ADARB2: variants seen among roughly 807,000 people sequenced by gnomAD.
ADARB2 encodes the protein inactive double-stranded RNA-specific editase B2.
ADARB2 carries 25 observed loss-of-function variants against 62.2 expected under a neutral mutation model. The ratio of observed to expected loss-of-function variants is 0.40; its 90% CI spans 0.29 to 0.56. The LOEUF is 0.56. ADARB2 is among the 20% of genes least tolerant of loss of function. The probability of loss-of-function intolerance (pLI) is 0.43; values close to 1 mark genes in which losing one functional copy is unlikely to be tolerated. For missense variants in ADARB2, 1,071 were observed against 1,077.4 expected, an observed-to-expected ratio of 0.99 and a Z score of 0.08; for synonymous variants, 572 against 500.8, an observed-to-expected ratio of 1.14 and a Z score of -1.90.
At chr10:1,220,415 G>GTGA (rs1441028398) in intron 6 of ADARB2, among the ~76,000 whole-genome samples, 2 of 149,248 alleles carry the variant, frequency 1.3e-5, no homozygotes, top group East Asian at 4.1e-4. Flanking sequence ...GGTGATGATG[G>GTGA]TCGTGATGGT....
intron 6 of ADARB2, among the ~76,000 whole-genome samples, chr10:1,221,552 T>C (rs1019665606): frequency 6.6e-6 from 1 of 152,046 alleles, no homozygotes; most frequent in African/African-American, 2.4e-5. Context: ...TATCTCCTAA[T>C]GCTATCCCTC....
At chr10:1,532,582 G>C (rs1323492975) in intron 1 of ADARB2, among the ~76,000 whole-genome samples, 1 of 152,170 alleles carries the variant, frequency 6.6e-6, no homozygotes, top group Non-Finnish European at 1.5e-5. Context: ...TCAGGGGTCA[G>C]GCATTGGGTG....
At chr10:1,224,792 A>G (rs1830729760) in intron 6 of ADARB2, among the ~76,000 whole-genome samples, 1 of 152,084 alleles carries the variant, frequency 6.6e-6, no homozygotes, top group African/African-American at 2.4e-5. Context: ...AGTTTGTTAT[A>G]ATTTCGGTTC....
intron 3 of ADARB2, among the ~76,000 whole-genome samples, chr10:1,359,776 G>A (rs184646823): frequency 6.6e-6 from 1 of 152,340 alleles, no homozygotes; most frequent in East Asian, 1.9e-4. Flanking sequence ...AGCTCCAGCC[G>A]CAGTGGCTCT....
At chr10:1,457,570 G>T (rs950789242) in intron 1 of ADARB2, among the ~76,000 whole-genome samples, 13 of 152,172 alleles carry the variant, frequency 8.5e-5, no homozygotes, top group Non-Finnish European at 4.4e-5. Context: ...AGAAAGTTAC[G>T]CTTCAGAGCT....
In ADARB2 at chr10:1,351,906, C is replaced by G. The variant is rs1298814457; in HGVS notation, c.1077+11122G>C. Among the ~76,000 whole-genome samples, 3 of 148,464 alleles carry G rather than the reference C, an allele frequency of 2.0e-5. 1 individual carries two copies. The highest frequency in any genetic ancestry group is 7.8e-5 in the African/African-American group (3 of 38,370). On this transcript the variant is annotated intron_variant, in intron 3 of 9. Transcript: ENST00000381312. The stretch of plus-strand genomic sequence containing the variant: ...CAACCAAATTGTTTTGCCTATCCAC[C>G]CCTTGGTGCCAAACCCATATACTCT...
At chr10:1,195,684 T>C (rs1589148239) in intron 8 of ADARB2, among the ~76,000 whole-genome samples, 2 of 152,074 alleles carry the variant, frequency 1.3e-5, no homozygotes, top group African/African-American at 4.8e-5. Flanking sequence ...AGGCTGATCC[T>C]GGTTCAGAAG....
intron 1 of ADARB2, among the ~76,000 whole-genome samples, chr10:1,508,890 C>T (rs1043544303): frequency 1.3e-5 from 2 of 152,214 alleles, no homozygotes; most frequent in African/African-American, 2.4e-5. Context: ...AAAGCCCAGC[C>T]GTGAACCCAG....
chr10:1,430,577 TA>T (rs1830768014), intron 1 of ADARB2, among the ~76,000 whole-genome samples: 1 of 152,124 alleles, frequency 6.6e-6, no homozygotes, highest in Non-Finnish European at 1.5e-5. Flanking sequence ...GTATAAGTAG[TA>T]ATTAAAAAAT....
intron 1 of ADARB2, among the ~76,000 whole-genome samples, chr10:1,401,603 C>T (rs1158889233): frequency 6.6e-6 from 1 of 152,180 alleles, no homozygotes; most frequent in Non-Finnish European, 1.5e-5. Context: ...GACCGCGGTG[C>T]ATTTTAAACG....
At chr10:1,240,719 C>T (rs1354462346) in intron 5 of ADARB2, among the ~76,000 whole-genome samples, 1 of 152,208 alleles carries the variant, frequency 6.6e-6, no homozygotes, top group Non-Finnish European at 1.5e-5. Context: ...TGTGGACCCC[C>T]CCAGCTGGTG....
At chr10:1,408,678 G>T (rs539706220) in intron 1 of ADARB2, among the ~76,000 whole-genome samples, 1 of 152,256 alleles carries the variant, frequency 6.6e-6, no homozygotes, top group Admixed American at 6.5e-5. Context: ...GTCCTTGTTG[G>T]TAACCAGGGA....
chr10:1,588,893 C>A (rs1006403917), intron 1 of ADARB2, among the ~76,000 whole-genome samples: 1 of 152,200 alleles, frequency 6.6e-6, no homozygotes, highest in African/African-American at 2.4e-5. Flanking sequence ...TTGGAGGAGT[C>A]GGCTTGAGGC....
intron 3 of ADARB2, among the ~76,000 whole-genome samples, chr10:1,357,890 G>C (rs1384445999): frequency 6.6e-6 from 1 of 152,242 alleles, no homozygotes; most frequent in South Asian, 2.1e-4. Context: ...CTGAATTAAA[G>C]ACCTTTTGGT....
At chr10:1,384,511 A>G (rs1672275720) in intron 1 of ADARB2, among the ~76,000 whole-genome samples, 1 of 152,196 alleles carries the variant, frequency 6.6e-6, no homozygotes, top group African/African-American at 2.4e-5. Context: ...GTTGCAGCTC[A>G]CCAGCTGTCT....
intron 1 of ADARB2, among the ~76,000 whole-genome samples, chr10:1,580,835 TA>T (rs1833088491): frequency 1.3e-5 from 2 of 152,256 alleles, no homozygotes; most frequent in Admixed American, 1.3e-4. Flanking sequence ...ATACACCTTA[TA>T]ACCATTTCAG....
At chr10:1,633,879 G>A (rs780559003) in intron 1 of ADARB2, among the ~76,000 whole-genome samples, 4 of 152,130 alleles carry the variant, frequency 2.6e-5, no homozygotes, top group Admixed American at 6.5e-5. Flanking sequence ...CCTGAAGCCC[G>A]AGGGAGTGTC....
rs1588254198 is a variant in ADARB2, at chr10:1,426,964, A to T, written c.101-47804T>A. On this transcript the variant is annotated intron_variant, in intron 1 of 9. Coordinates refer to ENST00000381312, the MANE Select transcript of ADARB2 (RefSeq NM_018702.4). This position sits in a 1 kb window ranked among gnomAD's most constrained non-coding sequence, Gnocchi z 4.1. ...CCCATCGGGAAGAGGCCACAGAGCT[A>T]TGTGTCGGCCCCACGCTTGGGCAGA... 6.6e-6 allele frequency among the ~76,000 whole-genome samples: 1 copy of T among 152,246 alleles called. No homozygotes were observed. Among genetic ancestry groups the T allele is most frequent in the East Asian group, 1.9e-4 (1 of 5,192 alleles).
intron 1 of ADARB2, among the ~76,000 whole-genome samples, chr10:1,599,804 G>A (rs1045526903): frequency 6.6e-6 from 1 of 152,094 alleles, no homozygotes; most frequent in Non-Finnish European, 1.5e-5. Context: ...AGAGTACAGT[G>A]GTGCTATCAC....
Sources: gnomAD v4.1 joint callset for allele counts (sites outside exome capture counted in the v4.1 genomes callset) on GRCh38, gnomAD v4.1.1 for gene constraint, Gnocchi (gnomAD v3.1) non-coding constraint, MANE v1.5 for transcripts, NCBI Gene and HGNC (gene_info 2026-07-23, HGNC 2026-07-21) for gene names.